MS4A3: variants seen among roughly 807,000 people sequenced by gnomAD.
MS4A3 encodes the protein membrane spanning 4-domains A3, also known as membrane-spanning 4-domains subfamily A member 3.
MS4A3 carries 18 observed loss-of-function variants against 24.7 expected under a neutral mutation model. That is an observed-to-expected ratio of 0.73 (90% CI 0.50 to 1.08). The LOEUF is 1.08. Ranked by LOEUF, MS4A3 falls within the 50% of genes least tolerant of loss-of-function variation. MS4A3 has a pLI of 0.00. For missense variants in MS4A3, 282 were observed against 251.7 expected (o/e 1.12, Z -0.82); for synonymous variants, 84 against 95.3 (o/e 0.88, Z 0.69).
At chr11:60,063,540 T>C (rs915734867) in intron 3 of MS4A3, among the ~76,000 whole-genome samples, 25 of 152,226 alleles carry the variant, frequency 1.6e-4, no homozygotes, top group Admixed American at 6.5e-5. Context: ...TTTGGGTTCA[T>C]TGCAGATTCT....
In MS4A3 at chr11:60,070,321, C is replaced by A; in HGVS notation, c.*88C>A. 1 of 1,074,456 alleles carries A rather than the reference C, an allele frequency of 9.3e-7. No individual in the cohort carries two copies. 66.6% of individuals were successfully genotyped at this position (1,074,456 alleles called of 1,614,324 possible). ...AGCTTCACCCACAAACTCAGGAGAA[C>A]ATAAGCCTGCTCGTAAAGCTCAATC... On this transcript the variant is annotated 3_prime_UTR_variant, in exon 7 of 7. Transcript: ENST00000278865.
intron 4 of MS4A3, 41 bp downstream of exon 4, chr11:60,064,359 A>G (rs1414220437): frequency 1.4e-6 from 2 of 1,456,022 alleles, no homozygotes; most frequent in Admixed American, 1.8e-5. Context: ...AGAGGAGTAG[A>G]AATATATTAT....
rs774035137 is a variant in MS4A3 at position 60,062,517 on chromosome 11, T to C, written c.206T>C (p.Leu69Pro). ...AAMILALGVF[L>P]GSLQYPYHFQ... ...ATGATTCTGGCTTTGGGTGTCTTTC[T>C]GGGTTCCTTGCAATACCCATACCAC... The change falls in exon 3 of 7, where the codon CTG (leucine) becomes CCG (proline). Residue 69 changes from leucine to proline, a missense_variant. Leu to Pro is a moderately conservative substitution (Grantham distance 98). Transcript: ENST00000278865. 6.2e-7 allele frequency: 1 copy of C among 1,614,172 alleles called. No individual in the cohort carries two copies. The highest frequency in any genetic ancestry group is 8.5e-7 in the Non-Finnish European group (1 of 1,179,996).
intron 6 of MS4A3, 35 bp from the exon 7 acceptor site, chr11:60,070,169 C>G (rs1029602235): frequency 2.6e-6 from 4 of 1,567,608 alleles, no homozygotes; most frequent in Admixed American, 1.7e-5. Flanking sequence ...GATAATGATC[C>G]TGTTCTTGGA....
chr11:60,060,170 G>A (rs1855249008), intron 1 of MS4A3, among the ~76,000 whole-genome samples: 1 of 152,118 alleles, frequency 6.6e-6, no homozygotes, highest in Admixed American at 6.6e-5. Context: ...AGTCCTTTTT[G>A]TTAGAAGGCA....
chr11:60,067,210 A>AAC, intron 5 of MS4A3, 98 bp downstream of exon 5: 14 of 836,010 alleles, frequency 1.7e-5, no homozygotes, highest in Non-Finnish European at 2.2e-5. Flanking sequence ...CATAATTTGA[A>AAC]TCTTTTTTTT....
Position 60,069,832 on chromosome 11 carries a change from G to A in MS4A3, c.615+157G>A, listed in dbSNP as rs185850145. On this transcript the variant is annotated intron_variant, in intron 6 of 6. Transcript: ENST00000278865. ...TATGAATGTTAGAGATGGAATGAAG[G>A]GTAGAAAAGAATTTGGATGTGAACA... Among the ~76,000 whole-genome samples, 57 of 152,208 alleles carry A rather than the reference G, an allele frequency of 3.7e-4. 1 individual carries two copies. Among genetic ancestry groups the A allele is most frequent in the Non-Finnish European group, 1.5e-5 (1 of 68,002 alleles).
At chr11:60,061,590 C>A (rs761887843) in intron 2 of MS4A3, 4 of 452,932 alleles carry the variant, frequency 8.8e-6, no homozygotes, top group African/African-American at 2.0e-5. Flanking sequence ...ATTTCCTTAA[C>A]GTTTTTAGTT....
chr11:60,066,152 T>G (rs1282758643), intron 4 of MS4A3, among the ~76,000 whole-genome samples: 1 of 152,168 alleles, frequency 6.6e-6, no homozygotes, highest in Non-Finnish European at 1.5e-5. Flanking sequence ...TATCAGCAAA[T>G]AATGTTGGCT....
rs201108493 is a variant in MS4A3 at position 60,066,929 on chromosome 11, G to C, written c.352-22G>C. 864 of 1,556,118 alleles carry C rather than the reference G, an allele frequency of 5.6e-4. 1 individual carries two copies. The highest frequency in any genetic ancestry group is 2.2e-3 in the Middle Eastern group (13 of 5,894). On this transcript the variant is annotated intron_variant, in intron 4 of 6. Coordinates refer to ENST00000278865, the MANE Select transcript of MS4A3 (RefSeq NM_006138.5). The stretch of plus-strand genomic sequence containing the variant: ...GAAGTACGTGCTGCATATATTAATT[G>C]AAAATTCTTATTCTTTTTTAGATAC...
chr11:60,066,216 G>C (rs190143444), intron 4 of MS4A3, among the ~76,000 whole-genome samples: 274 of 152,132 alleles, frequency 1.8e-3, no homozygotes, highest in African/African-American at 6.1e-3. Context: ...TCTTTCTATT[G>C]ATGACATTTC....
At chr11:60,070,117 T>G in intron 6 of MS4A3, 87 bp from the exon 7 acceptor site, 2 of 1,156,204 alleles carry the variant, frequency 1.7e-6, no homozygotes, top group East Asian at 4.7e-5. Context: ...ATTTTATTGT[T>G]GATGATTATG....
At chr11:60,067,336 C>G (rs1458352540) in intron 5 of MS4A3, among the ~76,000 whole-genome samples, 2 of 151,900 alleles carry the variant, frequency 1.3e-5, no homozygotes, top group Non-Finnish European at 2.9e-5. Flanking sequence ...GCCTCAGCCT[C>G]CCGAGTAGCT....
chr11:60,067,799 GAA>G (rs1855391314), intron 5 of MS4A3, among the ~76,000 whole-genome samples: 1 of 151,548 alleles, frequency 6.6e-6, no homozygotes, highest in African/African-American at 2.4e-5. Flanking sequence ...TGTAATCCCA[GAA>G]CTTTGGGAGG....
At chr11:60,069,405 T>G in intron 5 of MS4A3, 169 bp from the exon 6 acceptor site, 1 of 490,840 alleles carries the variant, frequency 2.0e-6, no homozygotes, top group Non-Finnish European at 3.6e-6. Context: ...GCTTTTAGAT[T>G]GAGATACTAT....
chr11:60,067,186 A>C, intron 5 of MS4A3, 74 bp downstream of exon 5: 1 of 1,108,332 alleles, frequency 9.0e-7, no homozygotes, highest in Non-Finnish European at 1.3e-6. Flanking sequence ...ATAATATATC[A>C]GGTACCAATG....
intron 1 of MS4A3, among the ~76,000 whole-genome samples, chr11:60,058,911 A>G (rs1045223964): frequency 6.6e-6 from 1 of 152,142 alleles, no homozygotes; most frequent in Non-Finnish European, 1.5e-5. Context: ...TTATTCACAT[A>G]GAGTTTGCTT....
intron 1 of MS4A3, among the ~76,000 whole-genome samples, chr11:60,058,792 A>G (rs763795176): frequency 3.9e-5 from 6 of 152,192 alleles, no homozygotes; most frequent in Non-Finnish European, 5.9e-5. Context: ...ATCTTAGTTC[A>G]TTAGATATTT....
intron 5 of MS4A3, among the ~76,000 whole-genome samples, chr11:60,068,958 G>A (rs1337955927): frequency 2.0e-5 from 3 of 151,922 alleles, no homozygotes; most frequent in Non-Finnish European, 4.4e-5. Flanking sequence ...ACTTATGGAA[G>A]TTTGTGTTCT....
Sources: allele counts gnomAD v4.1 joint callset (sites outside exome capture counted in the v4.1 genomes callset), GRCh38; gene constraint gnomAD v4.1.1; transcripts MANE v1.5; gene names NCBI Gene and HGNC (gene_info 2026-07-23, HGNC 2026-07-21).